ADK: variants seen among roughly 807,000 people sequenced by gnomAD.
ADK encodes adenosine kinase.
ADK carries 24 observed loss-of-function variants against 44.7 expected under a neutral mutation model. The ratio of observed to expected loss-of-function variants is 0.54; its 90% CI spans 0.39 to 0.76. The LOEUF is 0.76. Ranked by LOEUF, ADK falls within the 30% of genes least tolerant of loss-of-function variation. The pLI is 0.00. For missense variants in ADK, 321 were observed against 425.1 expected (o/e 0.76, Z 2.15); for synonymous variants, 128 against 142.6 (o/e 0.90, Z 0.73).
chr10:74,590,258 A>G (rs1418229569), intron 8 of ADK, among the ~76,000 whole-genome samples: 2 of 152,214 alleles, frequency 1.3e-5, no homozygotes, highest in African/African-American at 2.4e-5. Context: ...GCCGAAATGT[A>G]GGAACTTTCT....
chr10:74,502,212 G>A (rs1847908304), intron 6 of ADK, among the ~76,000 whole-genome samples: 1 of 151,948 alleles, frequency 6.6e-6, no homozygotes, highest in Non-Finnish European at 1.5e-5. Context: ...TTAAACTACT[G>A]CATGCTGCTT....
rs146317180 is a variant in ADK, at chr10:74,157,390, AAG to A, written c.65+6049_65+6050del. Among the ~76,000 whole-genome samples the A allele has an allele frequency of 8.8e-3, 1,312 of 148,626 alleles. 22 individuals are homozygous for A. Among genetic ancestry groups the A allele is most frequent in the African/African-American group, 0.032 (1,229 of 38,060 alleles). On this transcript the variant is annotated intron_variant, in intron 1 of 10. Transcript: ENST00000539909. Reference sequence around the variant, plus strand: ...TTTTAAAGATCCTTAAAAAAGATAAAAGAAATAATGGTCATAAAAAAACATGA... The same window carrying A: ...TTTTAAAGATCCTTAAAAAAGATAAAAAATAATGGTCATAAAAAAACATGA...
intron 6 of ADK, among the ~76,000 whole-genome samples, chr10:74,518,533 AT>A (rs1490886383): frequency 2.6e-5 from 4 of 152,180 alleles, no homozygotes; most frequent in Non-Finnish European, 4.4e-5. Context: ...GCTTTTTACT[AT>A]TTGTAAACAT....
At chr10:74,310,214 C>T (rs1479531492) in intron 3 of ADK, among the ~76,000 whole-genome samples, 1 of 152,030 alleles carries the variant, frequency 6.6e-6, no homozygotes, top group Non-Finnish European at 1.5e-5. Flanking sequence ...TACTAAAATT[C>T]CCATACTTTA....
At chr10:74,650,454 C>T (rs923381646) in intron 9 of ADK, among the ~76,000 whole-genome samples, 2 of 152,026 alleles carry the variant, frequency 1.3e-5, no homozygotes, top group Non-Finnish European at 2.9e-5. Context: ...TAATGTTGCG[C>T]TTTACAGCTC....
intron 4 of ADK, among the ~76,000 whole-genome samples, chr10:74,381,045 T>A (rs10824166): frequency 0.68 from 103,334 of 151,968 alleles, 35,958 homozygotes; most frequent in Middle Eastern, 0.84. Flanking sequence ...ATGAATTTCA[T>A]GTGGAAAATT....
chr10:74,314,027 TTAGA>T (rs67512104), intron 3 of ADK, among the ~76,000 whole-genome samples: 97,295 of 151,340 alleles, frequency 0.64, 32,580 homozygotes, highest in Middle Eastern at 0.79. Flanking sequence ...TTTCATATAA[TTAGA>T]TAGGTCTGTT....
Position 74,531,638 on chromosome 10 carries a change from A to C in ADK, c.726+6212A>C, listed in dbSNP as rs77587667. On this transcript the variant is annotated intron_variant, in intron 7 of 10. Coordinates refer to ENST00000539909, the MANE Select transcript of ADK (RefSeq NM_006721.4). The stretch of plus-strand genomic sequence containing the variant: ...AAGCTCAAACTCCTGGGTTCAAATG[A>C]TCCTCCTACCTCAACCTCCCGAGAA... Among the ~76,000 whole-genome samples, 16 of 152,178 alleles carry C rather than the reference A, an allele frequency of 1.1e-4. No individual in the cohort carries two copies. In the East Asian group the frequency reaches 2.9e-3, roughly 28 times the overall value.
intron 2 of ADK, among the ~76,000 whole-genome samples, chr10:74,202,815 G>A (rs889077892): frequency 1.3e-5 from 2 of 152,030 alleles, no homozygotes; most frequent in Non-Finnish European, 2.9e-5. Context: ...TTGTCTTTTT[G>A]TTAAGTTGTA....
chr10:74,222,245 G>A (rs1425176303), intron 2 of ADK, among the ~76,000 whole-genome samples: 6 of 152,030 alleles, frequency 3.9e-5, no homozygotes, highest in African/African-American at 7.2e-5. Flanking sequence ...ATGCAGCCAA[G>A]AAACACATGA....
intron 3 of ADK, among the ~76,000 whole-genome samples, chr10:74,229,542 C>T (rs1037372117): frequency 2.6e-5 from 4 of 151,750 alleles, no homozygotes; most frequent in Admixed American, 1.3e-4. Context: ...GGACTACAGG[C>T]GCCCACCACC....
intron 4 of ADK, among the ~76,000 whole-genome samples, chr10:74,346,818 A>G (rs1243995107): frequency 2.0e-5 from 3 of 152,082 alleles, no homozygotes; most frequent in African/African-American, 7.2e-5. Flanking sequence ...GAGAAAAACC[A>G]TTTATTTTCG....
intron 4 of ADK, among the ~76,000 whole-genome samples, chr10:74,377,416 T>G (rs575776869): frequency 6.6e-6 from 1 of 152,166 alleles, no homozygotes. Flanking sequence ...TGAGTATTCA[T>G]GAAAGGGGTT....
At chr10:74,205,675 CAAAAAAAAAA>C (rs11419041) in intron 2 of ADK, among the ~76,000 whole-genome samples, 1 of 85,316 alleles carries the variant, frequency 1.2e-5, no homozygotes, top group South Asian at 4.6e-4. Flanking sequence ...GAATCTGTCT[CAAAAAAAAAA>C]AAAAAAAAAA....
Position 74,187,517 on chromosome 10 carries a change from CTCTT to C in ADK, c.66-13243_66-13240del, listed in dbSNP as rs199799928. 4.1e-4 allele frequency among the ~76,000 whole-genome samples: 62 copies of C among 151,834 alleles called. No homozygotes were observed. The East Asian group carries it at 0.011, about 27-fold the overall frequency. On this transcript the variant is annotated intron_variant, in intron 1 of 10. Coordinates refer to ENST00000539909, the MANE Select transcript of ADK (RefSeq NM_006721.4). ...ACACGCACATACACACACACACACA[CTCTT>C]TCTCTCTCTCTCTCTAAATATTTTC... is the stretch of plus-strand genomic sequence containing the variant.
At chr10:74,222,786 T>C (rs1437458333) in intron 2 of ADK, among the ~76,000 whole-genome samples, 1 of 145,148 alleles carries the variant, frequency 6.9e-6, no homozygotes, top group Non-Finnish European at 1.5e-5. Flanking sequence ...CCGCATATTC[T>C]CACTCATAGG....
intron 1 of ADK, among the ~76,000 whole-genome samples, chr10:74,155,359 T>C (rs2132026451): frequency 6.6e-6 from 1 of 152,188 alleles, no homozygotes; most frequent in East Asian, 1.9e-4. Context: ...CATGGTGGCA[T>C]AAGCCTGTGG....
chr10:74,479,693 GC>G (rs1163887758), intron 6 of ADK, among the ~76,000 whole-genome samples: 3 of 151,656 alleles, frequency 2.0e-5, no homozygotes, highest in African/African-American at 7.3e-5. Flanking sequence ...CTAGCCATTA[GC>G]TTTTCTTTTA....
At chr10:74,573,106 GC>G (rs1851033599) in intron 7 of ADK, among the ~76,000 whole-genome samples, 1 of 151,796 alleles carries the variant, frequency 6.6e-6, no homozygotes, top group South Asian at 2.1e-4. Flanking sequence ...CAGTTTTTCT[GC>G]TCTGTTTTTT....
Sources: gnomAD v4.1 joint callset for allele counts (sites outside exome capture counted in the v4.1 genomes callset) on GRCh38, gnomAD v4.1.1 for gene constraint, MANE v1.5 for transcripts, NCBI Gene and HGNC (gene_info 2026-07-23, HGNC 2026-07-21) for gene names.